The following ERLEC1 variants were observed in gnomAD, a reference collection of about 807,000 sequenced individuals.
The protein encoded by ERLEC1 is ER lectin.
ERLEC1 carries 47 observed loss-of-function variants against 68.0 expected under a neutral mutation model. That is an observed-to-expected ratio of 0.69 (90% CI 0.55 to 0.88). ERLEC1 has a LOEUF of 0.88. ERLEC1 is among the 40% of genes least tolerant of loss of function. The pLI, the probability that ERLEC1 is intolerant of heterozygous loss-of-function variation, is 0.00. For missense variants in ERLEC1, 567 were observed against 583.8 expected, an observed-to-expected ratio of 0.97 and a Z score of 0.30; for synonymous variants, 225 against 203.2, an observed-to-expected ratio of 1.11 and a Z score of -0.91.
At chr2:53,807,640 C>A (rs989375935) in intron 8 of ERLEC1, among the ~76,000 whole-genome samples, 1 of 151,988 alleles carries the variant, frequency 6.6e-6, no homozygotes, top group Admixed American at 6.6e-5. Context: ...CTTTCTTTAC[C>A]CTTAGTGACC....
chr2:53,807,588 C>A (rs779921040), intron 8 of ERLEC1, among the ~76,000 whole-genome samples: 1 of 152,126 alleles, frequency 6.6e-6, no homozygotes, highest in Non-Finnish European at 1.5e-5. Context: ...AACTAATATT[C>A]ATATTTATTT....
rs1231764851 is a variant in ERLEC1, at chr2:53,801,702, C to T, written c.750-11C>T. On this transcript the variant is annotated splice_polypyrimidine_tract_variant and intron_variant, in intron 7 of 13. Transcript: ENST00000185150. ...TGTGCATAGCTTTAATGCTTTGTTCCTACTGAACAGGTTCAGAGCATCTCC... is the reference window on the plus strand; with the variant it reads ...TGTGCATAGCTTTAATGCTTTGTTCTTACTGAACAGGTTCAGAGCATCTCC... 3 of 1,613,744 alleles carry T rather than the reference C, an allele frequency of 1.9e-6. No individual in the cohort carries two copies. The highest frequency in any genetic ancestry group is 2.2e-5 in the East Asian group (1 of 44,890).
At position 53,787,295 on chromosome 2, in the gene ERLEC1, G is replaced by A. The variant is rs1386472721; in HGVS notation, c.85G>A (p.Gly29Ser). 6.2e-7 allele frequency: 1 copy of A among 1,609,866 alleles called. No homozygotes were observed. The highest frequency in any genetic ancestry group is 8.5e-7 in the Non-Finnish European group (1 of 1,179,984). The change falls in exon 1 of 14, where the codon GGC becomes AGC. Residue 29 changes from glycine to serine, a missense_variant. Gly to Ser is a moderately conservative substitution (Grantham distance 56). Coordinates refer to ENST00000185150, the MANE Select transcript of ERLEC1 (RefSeq NM_015701.5). ...CCTCTGCGGCCTCCTGGAGGCGTCC[G>A]GCGGCGGCCGAGCCCTTCCTCAACT... ...LVLCGLLEASGGGRALPQLSD... is the reference protein window; with the variant it reads ...LVLCGLLEASSGGRALPQLSD...
In ERLEC1 at chr2:53,814,852, T is replaced by C. The variant is rs375960778; in HGVS notation, c.1305-8T>C. 1.4e-5 allele frequency: 23 copies of C among 1,598,248 alleles called. No individual in the cohort carries two copies. Among genetic ancestry groups the C allele is most frequent in the Admixed American group, 3.4e-5 (2 of 59,392 alleles). On this transcript the variant is annotated splice_region_variant and splice_polypyrimidine_tract_variant and intron_variant, in intron 12 of 13. Coordinates refer to ENST00000185150, the MANE Select transcript of ERLEC1 (RefSeq NM_015701.5). ...TTGGACAGTACCTTAAAGTGCTCTC[T>C]GTTTTAGGTGCAAAGAATCAGATTC...
intron 13 of ERLEC1, among the ~76,000 whole-genome samples, chr2:53,815,597 T>G (rs1307871235): frequency 6.6e-6 from 1 of 152,174 alleles, no homozygotes; most frequent in African/African-American, 2.4e-5. Flanking sequence ...AAGATACCCA[T>G]TTCTGATTTA....
chr2:53,796,768 T>C (rs566172796), intron 3 of ERLEC1, among the ~76,000 whole-genome samples: 5 of 152,248 alleles, frequency 3.3e-5, no homozygotes, highest in Admixed American at 1.3e-4. Context: ...CTTAATAATA[T>C]CTTATTCATT....
intron 8 of ERLEC1, among the ~76,000 whole-genome samples, chr2:53,803,336 G>A (rs1676102986): frequency 6.6e-6 from 1 of 151,836 alleles, no homozygotes; most frequent in Admixed American, 6.5e-5. Context: ...ATTTGGGCTA[G>A]AATTCTCTTC....
chr2:53,809,503 G>A (rs1449121249), intron 10 of ERLEC1, among the ~76,000 whole-genome samples: 2 of 152,128 alleles, frequency 1.3e-5, no homozygotes, highest in Non-Finnish European at 2.9e-5. Flanking sequence ...CTATTACTAT[G>A]AGCCTAGTAG....
intron 1 of ERLEC1, 151 bp from the exon 2 acceptor site, chr2:53,794,194 T>A: frequency 2.0e-6 from 1 of 504,300 alleles, no homozygotes; most frequent in South Asian, 3.7e-5. Flanking sequence ...TTTTTGTTAA[T>A]GTTTGTAGCA....
chr2:53,788,674 A>G (rs1413451196), intron 1 of ERLEC1: 1 of 151,964 alleles, frequency 6.6e-6, no homozygotes, highest in East Asian at 1.9e-4. Flanking sequence ...CTGGGATTAC[A>G]TGTGTGAACC....
chr2:53,799,988 A>G (rs969156005), intron 6 of ERLEC1, among the ~76,000 whole-genome samples: 3 of 152,094 alleles, frequency 2.0e-5, no homozygotes, highest in Non-Finnish European at 4.4e-5. Context: ...GAAGAAAACT[A>G]TTTTTTGAGC....
intron 2 of ERLEC1, among the ~76,000 whole-genome samples, chr2:53,794,867 A>G (rs1257260310): frequency 1.3e-5 from 2 of 151,976 alleles, no homozygotes; most frequent in African/African-American, 4.8e-5. Flanking sequence ...GTTGGCCAGG[A>G]TGGTCTCGAT....
chr2:53,794,102 C>G (rs992058287), intron 1 of ERLEC1, among the ~76,000 whole-genome samples: 1 of 152,126 alleles, frequency 6.6e-6, no homozygotes, highest in Non-Finnish European at 1.5e-5. Context: ...ACTTGGGTGA[C>G]AGGGATATTA....
intron 9 of ERLEC1, 73 bp downstream of exon 9, chr2:53,808,533 C>T (rs1676422061): frequency 2.1e-6 from 3 of 1,441,488 alleles, no homozygotes; most frequent in African/African-American, 1.4e-5. Flanking sequence ...TGGGCATCAG[C>T]AGCACTGAAA....
rs747443760 is a variant in ERLEC1 at position 53,814,985 on chromosome 2, ATT to A, written c.1380+58_1380+59del. 5.2e-6 allele frequency: 5 copies of A among 967,626 alleles called. No individual in the cohort carries two copies. In the Admixed American group the frequency reaches 8.5e-5, roughly 16 times the overall value. The allele number at this position is 967,626 out of a possible 1,614,324, so 59.9% of individuals were successfully genotyped here. ...AAATTCCATTTTGAGCCATGTTTTAATTTTTTTTTCTTTTTTTTTTTTTTTTT... is the reference window on the plus strand; with the variant it reads ...AAATTCCATTTTGAGCCATGTTTTAATTTTTTTCTTTTTTTTTTTTTTTTT... On this transcript the variant is annotated intron_variant, in intron 13 of 13. Transcript: ENST00000185150.
At chr2:53,814,280 G>A (rs1309580819) in intron 11 of ERLEC1, among the ~76,000 whole-genome samples, 1 of 152,086 alleles carries the variant, frequency 6.6e-6, no homozygotes, top group Non-Finnish European at 1.5e-5. Context: ...AAAATTATTT[G>A]TATACAAATA....
intron 10 of ERLEC1, 61 bp from the exon 11 acceptor site, chr2:53,812,888 G>C: frequency 8.3e-6 from 13 of 1,570,460 alleles, no homozygotes; most frequent in Non-Finnish European, 1.1e-5. Context: ...CAGGTCATCA[G>C]CATAAATATC....
chr2:53,798,433 G>A (rs1019989995), intron 5 of ERLEC1, among the ~76,000 whole-genome samples: 10 of 151,518 alleles, frequency 6.6e-5, no homozygotes, highest in Non-Finnish European at 1.2e-4. Context: ...ACTAATTTTC[G>A]TATTTGTTGT....
intron 1 of ERLEC1, among the ~76,000 whole-genome samples, chr2:53,788,249 A>C (rs1460117073): frequency 6.6e-6 from 1 of 152,204 alleles, no homozygotes; most frequent in Non-Finnish European, 1.5e-5. Flanking sequence ...GCAATACTTT[A>C]TTATATTCTT....
Sources: gnomAD v4.1 joint callset for allele counts (sites outside exome capture counted in the v4.1 genomes callset) on GRCh38, gnomAD v4.1.1 for gene constraint, MANE v1.5 for transcripts, NCBI Gene and HGNC (gene_info 2026-07-23, HGNC 2026-07-21) for gene names.